Variants in VAX2 observed in about 807,000 individuals in gnomAD.
VAX2 encodes ventral anterior homeobox 2.
A neutral mutation model predicts 12.5 loss-of-function variants in VAX2; 8 were observed. The ratio of observed to expected loss-of-function variants is 0.64; its 90% CI spans 0.37 to 1.15. VAX2 has a LOEUF of 1.15. VAX2 is among the 50% of genes most tolerant of loss of function. VAX2 has a pLI of 0.01. For synonymous variants in VAX2, 183 were observed against 187.6 expected (o/e 0.98, Z 0.20); for missense variants, 476 against 412.9 (o/e 1.15, Z -1.32).
intron 1 of VAX2, among the ~76,000 whole-genome samples, chr2:70,906,429 C>A (rs1269302594): frequency 2.0e-5 from 3 of 150,160 alleles, no homozygotes; most frequent in African/African-American, 7.3e-5. Context: ...CTGGCGGAGG[C>A]TTGGGCTTGT....
chr2:70,924,627 AC>A (rs1423603125), intron 2 of VAX2, among the ~76,000 whole-genome samples: 1 of 152,174 alleles, frequency 6.6e-6, no homozygotes, highest in Non-Finnish European at 1.5e-5. Context: ...CTTTATGGGT[AC>A]TATTATCCCC....
intron 2 of VAX2, among the ~76,000 whole-genome samples, chr2:70,924,022 G>A (rs1445362216): frequency 6.6e-6 from 1 of 152,122 alleles, no homozygotes; most frequent in Non-Finnish European, 1.5e-5. Flanking sequence ...ACTGCAGGGT[G>A]TGGTGGCACA....
intron 1 of VAX2, among the ~76,000 whole-genome samples, chr2:70,905,841 G>A (rs568194815): frequency 6.6e-6 from 1 of 152,292 alleles, no homozygotes; most frequent in East Asian, 1.9e-4. Flanking sequence ...CAAAGCCACC[G>A]GGCTCAAGTC....
intron 2 of VAX2, among the ~76,000 whole-genome samples, chr2:70,928,819 G>C (rs543878987): frequency 6.6e-6 from 1 of 152,350 alleles, no homozygotes; most frequent in East Asian, 1.9e-4. Context: ...GAAAGCCAGC[G>C]ATAAATAACT....
chr2:70,929,493 C>A (rs1679645280), intron 2 of VAX2, among the ~76,000 whole-genome samples: 2 of 152,024 alleles, frequency 1.3e-5, no homozygotes. Context: ...TCGAGACCAG[C>A]CTGGCCAACA....
chr2:70,900,928 C>A (rs1262668335), intron 1 of VAX2, 60 bp downstream of exon 1: 1 of 1,275,202 alleles, frequency 7.8e-7, no homozygotes, highest in African/African-American at 1.5e-5. Flanking sequence ...TACTGGGGCC[C>A]CCGACCTAGC....
rs1445679995 is a variant in VAX2, at chr2:70,904,513, G to A, written c.247+3645G>A. Among the ~76,000 whole-genome samples, 7 of 152,216 alleles carry A rather than the reference G, an allele frequency of 4.6e-5. No homozygotes were observed. The highest frequency in any genetic ancestry group is 1.7e-4 in the African/African-American group (7 of 41,446). On this transcript the variant is annotated intron_variant, in intron 1 of 2. Transcript: ENST00000234392. This position sits in a 1 kb window ranked among gnomAD's most constrained non-coding sequence, Gnocchi z 4.2. ...CTGTCCACCAGCGTCACCCAACACAGCAACTTTTACAGACAATGCGTGGCG... is the reference window on the plus strand; with the variant it reads ...CTGTCCACCAGCGTCACCCAACACAACAACTTTTACAGACAATGCGTGGCG...
intron 1 of VAX2, among the ~76,000 whole-genome samples, chr2:70,902,837 G>A (rs1044139620): frequency 3.9e-5 from 6 of 152,238 alleles, no homozygotes; most frequent in Non-Finnish European, 7.3e-5. Context: ...GCCTGTGTGC[G>A]TCTTCAGGGG....
In VAX2 at chr2:70,911,207, A is replaced by G. The variant is rs10191838; in HGVS notation, c.248-9891A>G. ...AAGAGTTTACTTTTACTGTTTTTTTAATATAAAAATGGGTTTATGCACACT... is the reference window on the plus strand; with the variant it reads ...AAGAGTTTACTTTTACTGTTTTTTTGATATAAAAATGGGTTTATGCACACT... On this transcript the variant is annotated intron_variant, in intron 1 of 2. Transcript: ENST00000234392. Among the ~76,000 whole-genome samples, 1,161 of 152,136 alleles carry G rather than the reference A, an allele frequency of 7.6e-3. 15 individuals carry two copies. Among genetic ancestry groups the G allele is most frequent in the African/African-American group, 0.026 (1,095 of 41,536 alleles).
chr2:70,932,965 G>C lies in VAX2; in HGVS notation c.634G>C (p.Ala212Pro), dbSNP rs1425797414. ...GACCCCTAGCCTGCCAGGCCTACCT[G>C]CCAGCCACAGGGGCACCTCCTTAGG... ...ALTPSLPGLPASHRGTSLGDP... is the reference protein window; with the variant it reads ...ALTPSLPGLPPSHRGTSLGDP... The change falls in exon 3 of 3, where the codon GCC becomes CCC. Residue 212 changes from alanine to proline, a missense_variant. Coordinates refer to ENST00000234392, the MANE Select transcript of VAX2 (RefSeq NM_012476.3). The C allele has an allele frequency of 6.8e-6, 11 of 1,611,102 alleles. No homozygotes were observed. The highest frequency in any genetic ancestry group is 8.5e-6 in the Non-Finnish European group (10 of 1,178,506).
At chr2:70,918,030 G>A (rs782672473) in intron 1 of VAX2, among the ~76,000 whole-genome samples, 5 of 152,370 alleles carry the variant, frequency 3.3e-5, no homozygotes, top group South Asian at 2.1e-4. Flanking sequence ...TCCAGTCACA[G>A]TGGGGTCACA....
chr2:70,927,619 G>T (rs1403005474), intron 2 of VAX2, among the ~76,000 whole-genome samples: 1 of 151,744 alleles, frequency 6.6e-6, no homozygotes, highest in Non-Finnish European at 1.5e-5. Flanking sequence ...ATGAATCCTG[G>T]AATTTGATAT....
rs1306527957 is a variant in VAX2 at position 70,933,381 on chromosome 2, G to A, written c.*177G>A. ...GGCCTTGGTCCCGCAGCTTGTGTGC[G>A]TGAGTGCAGTGTGAGTGTGTGTGTC... On this transcript the variant is annotated 3_prime_UTR_variant, in exon 3 of 3. Transcript: ENST00000234392. 9 of 503,556 alleles carry A rather than the reference G, an allele frequency of 1.8e-5. No individual in the cohort carries two copies. The highest frequency in any genetic ancestry group is 1.2e-4 in the South Asian group (2 of 17,304). The allele number at this position is 503,556 out of a possible 1,614,324, so 31.2% of individuals were successfully genotyped here. A position where few individuals can be genotyped will look rare whatever the true frequency, so the allele number is the denominator to read the frequency against.
chr2:70,930,458 G>T (rs1394710580), intron 2 of VAX2, among the ~76,000 whole-genome samples: 2 of 152,116 alleles, frequency 1.3e-5, no homozygotes, highest in Non-Finnish European at 2.9e-5. Flanking sequence ...CCTCTGGAGG[G>T]GATTGTGATC....
Position 70,933,396 on chromosome 2 carries a change from G to GACACACACACTCACAC in VAX2, c.*192_*193insACACACACACTCACAC. 1 of 442,974 alleles carries GACACACACACTCACAC rather than the reference G, an allele frequency of 2.3e-6. No individual in the cohort carries two copies. Among genetic ancestry groups the GACACACACACTCACAC allele is most frequent in the Non-Finnish European group, 3.9e-6 (1 of 259,428 alleles). The allele number at this position is 442,974 out of a possible 1,614,324, so 27.4% of individuals were successfully genotyped here. ...GCTTGTGTGCGTGAGTGCAGTGTGA[G>GACACACACACTCACAC]TGTGTGTGTCTCTCACTGAAATAAA... On this transcript the variant is annotated 3_prime_UTR_variant, in exon 3 of 3. Transcript: ENST00000234392.
chr2:70,906,294 C>A (rs933433444), intron 1 of VAX2, among the ~76,000 whole-genome samples: 3 of 152,180 alleles, frequency 2.0e-5, no homozygotes, highest in Admixed American at 1.3e-4. Flanking sequence ...TGGATGCTGA[C>A]TGGGGACATT....
At chr2:70,928,292 T>C (rs1679617245) in intron 2 of VAX2, among the ~76,000 whole-genome samples, 1 of 152,288 alleles carries the variant, frequency 6.6e-6, no homozygotes, top group Non-Finnish European at 1.5e-5. Flanking sequence ...GGGAAGCACA[T>C]TAGATTCACC....
rs1208582026 is a variant in VAX2 at position 70,921,198 on chromosome 2, C to T, written c.348C>T (p.Arg116=). ...RTSFTAEQLY[R]LEMEFQRCQY... ...CCTTCACTGCCGAGCAGCTGTACCG[C>T]CTGGAGATGGAGTTCCAGCGCTGCC... Residue 116 remains arginine (R), a synonymous_variant, in exon 2 of 3, where the codon CGC becomes CGT. Transcript: ENST00000234392. 3.7e-5 allele frequency: 59 copies of T among 1,613,596 alleles called. No homozygotes were observed. The highest frequency in any genetic ancestry group is 4.7e-5 in the Non-Finnish European group (56 of 1,179,956).
chr2:70,908,384 C>T (rs1679107715), intron 1 of VAX2, among the ~76,000 whole-genome samples: 1 of 152,158 alleles, frequency 6.6e-6, no homozygotes, highest in Admixed American at 6.5e-5. Flanking sequence ...CAAGGACTTT[C>T]TAATATGTCC....
Sources: gnomAD v4.1 joint callset for allele counts (sites outside exome capture counted in the v4.1 genomes callset) on GRCh38, gnomAD v4.1.1 for gene constraint, Gnocchi (gnomAD v3.1) non-coding constraint, MANE v1.5 for transcripts, NCBI Gene and HGNC (gene_info 2026-07-23, HGNC 2026-07-21) for gene names.